The following SIGLEC8 variants were observed in gnomAD, a reference collection of about 807,000 sequenced individuals.
SIGLEC8 encodes sialic acid-binding Ig-like lectin 8.
In SIGLEC8, 32 loss-of-function variants were observed where a neutral mutation model predicts 42.1. That is an observed-to-expected ratio of 0.76 (90% CI 0.57 to 1.02). The LOEUF (loss-of-function observed/expected upper bound fraction) is 1.02. Ranked by LOEUF, SIGLEC8 falls within the 50% of genes least tolerant of loss-of-function variation. The pLI is 0.00. For synonymous variants in SIGLEC8, 262 were observed against 260.3 expected (o/e 1.01, Z -0.06); for missense variants, 611 against 610.2 (o/e 1.00, Z -0.01).
Position 51,458,256 on chromosome 19 carries a change from A to G in SIGLEC8, c.132T>C (p.His44=), listed in dbSNP as rs1369885746. The change falls in exon 1 of 7, where the codon CAT becomes CAC. Residue 44 remains histidine (H), a synonymous_variant. Transcript: ENST00000321424. ...GGGGGTAGGAGAAGGAGCAGGGCAC[A>G]TGGACACACAGGCCCTCCTGCACCG... The part of the protein sequence containing the change: ...LVTVQEGLCV[H]VPCSFSYPQD... 1.2e-6 allele frequency: 2 copies of G among 1,614,136 alleles called. No individual in the cohort carries two copies. Among genetic ancestry groups the G allele is most frequent in the Non-Finnish European group, 1.7e-6 (2 of 1,180,020 alleles).
chr19:51,454,684 A>G lies in SIGLEC8; in HGVS notation c.1148T>C (p.Ile383Thr). 1 of 1,611,032 alleles carries G rather than the reference A, an allele frequency of 6.2e-7. No individual in the cohort carries two copies. The highest frequency in any genetic ancestry group is 8.5e-7 in the Non-Finnish European group (1 of 1,177,502). ...CTCCCTCCCCAGGGTCAATGCTCAC[A>G]TGATGAAGATGATGCAGAAGGACAG... ...AFLSFCIIFI[I>T]VRSCRKKSAR... is the part of the protein sequence containing the mutation. The change falls in exon 5 of 7, where the codon ATA (isoleucine) becomes ACA (threonine). Residue 383 changes from isoleucine (I) to threonine (T), a missense_variant and splice_region_variant. Ile to Thr is a moderately conservative substitution (Grantham distance 89). Coordinates refer to ENST00000321424, the MANE Select transcript of SIGLEC8 (RefSeq NM_014442.3). The surrounding 1 kb of genome is among the most constrained non-coding windows in gnomAD (Gnocchi z 4.7).
At chr19:51,455,898 A>G (rs1989479200) in intron 3 of SIGLEC8, among the ~76,000 whole-genome samples, 2 of 152,228 alleles carry the variant, frequency 1.3e-5, no homozygotes, top group Non-Finnish European at 2.9e-5. Flanking sequence ...TGCAGCCACA[A>G]AAAATGATGA....
intron 3 of SIGLEC8, 87 bp downstream of exon 3, chr19:51,457,097 A>G: frequency 8.1e-7 from 1 of 1,236,988 alleles, no homozygotes; most frequent in Non-Finnish European, 1.2e-6. Flanking sequence ...CTGTTTCCCA[A>G]AGTGATTCCA....
rs779283234 is a variant in SIGLEC8 at position 51,454,325 on chromosome 19, G to A, written c.1149-10C>T. The A allele has an allele frequency of 2.5e-6, 4 of 1,612,914 alleles. No homozygotes were observed. Among genetic ancestry groups the A allele is most frequent in the Admixed American group, 1.7e-5 (1 of 60,012 alleles). On this transcript the variant is annotated splice_polypyrimidine_tract_variant and intron_variant, in intron 5 of 6. Coordinates refer to ENST00000321424, the MANE Select transcript of SIGLEC8 (RefSeq NM_014442.3). The surrounding 1 kb of genome is among the most constrained non-coding windows in gnomAD (Gnocchi z 4.7). ...CCTGCAGGACCTCACTCTGAGTGAAGAGACCAGAGAGCCTTTCAGTGTGGT... is the reference window on the plus strand; with the variant it reads ...CCTGCAGGACCTCACTCTGAGTGAAAAGACCAGAGAGCCTTTCAGTGTGGT...
chr19:51,453,771 G>A (rs1305515811), intron 6 of SIGLEC8: 67 of 984,812 alleles, frequency 6.8e-5, no homozygotes, highest in Non-Finnish European at 7.8e-5. Flanking sequence ...GTAAATGAGA[G>A]AGAATTACAG....
In SIGLEC8 at chr19:51,454,138, C is replaced by A; in HGVS notation, c.1245+81G>T. ...AGACGAGGAAGTGACTTTGGCCATA[C>A]CAAAGAGAGCGATCCTGGGGGCCAT... is the stretch of plus-strand genomic sequence containing the variant. On this transcript the variant is annotated intron_variant, in intron 6 of 6. Coordinates refer to ENST00000321424, the MANE Select transcript of SIGLEC8 (RefSeq NM_014442.3). This position sits in a 1 kb window ranked among gnomAD's most constrained non-coding sequence, Gnocchi z 4.7. 6.3e-7 allele frequency: 1 copy of A among 1,594,770 alleles called. No individual in the cohort carries two copies. Among genetic ancestry groups the A allele is most frequent in the Non-Finnish European group, 8.5e-7 (1 of 1,169,908 alleles).
rs1599925964 is a variant in SIGLEC8, at chr19:51,452,262, T to G, written c.*117A>C. 1.3e-5 allele frequency: 11 copies of G among 819,540 alleles called. No individual in the cohort carries two copies. Among genetic ancestry groups the G allele is most frequent in the Admixed American group, 2.7e-5 (1 of 36,978 alleles). The allele number at this position is 819,540 out of a possible 1,614,324, so 50.8% of individuals were successfully genotyped here. ...AGTAGAAGCTAGAGGCAGGGATGGG[T>G]CCCTGGTAGCCGGGGAAAGGGGAGA... is the stretch of plus-strand genomic sequence containing the variant. On this transcript the variant is annotated 3_prime_UTR_variant, in exon 7 of 7. Coordinates refer to ENST00000321424, the MANE Select transcript of SIGLEC8 (RefSeq NM_014442.3).
rs1989448508 is a variant in SIGLEC8 at position 51,454,688 on chromosome 19, T to G, written c.1144A>C (p.Ile382Leu). ...CTCCCCAGGGTCAATGCTCACATGATGAAGATGATGCAGAAGGACAGGAAG... is the reference window on the plus strand; with the variant it reads ...CTCCCCAGGGTCAATGCTCACATGAGGAAGATGATGCAGAAGGACAGGAAG... ...LAFLSFCIIFIIVRSCRKKSA... is the reference protein window; with the variant it reads ...LAFLSFCIIFLIVRSCRKKSA... The change falls in exon 5 of 7, where the codon ATC (isoleucine) becomes CTC (leucine). Residue 382 changes from isoleucine (I) to leucine (L), a missense_variant. By Grantham distance (5) the Ile-to-Leu change is conservative. Coordinates refer to ENST00000321424, the MANE Select transcript of SIGLEC8 (RefSeq NM_014442.3). This position sits in a 1 kb window ranked among gnomAD's most constrained non-coding sequence, Gnocchi z 4.7. 1.2e-5 allele frequency: 19 copies of G among 1,611,700 alleles called. No homozygotes were observed. The highest frequency in any genetic ancestry group is 1.6e-5 in the Non-Finnish European group (19 of 1,178,048).
chr19:51,458,162 C>G lies in SIGLEC8; in HGVS notation c.226G>C (p.Asp76His), dbSNP rs1296322316. 1.9e-6 allele frequency: 3 copies of G among 1,614,108 alleles called. No individual in the cohort carries two copies. The East Asian group carries it at 6.7e-5, about 36-fold the overall frequency. ...WFRAGDRPYQDAPVATNNPDR... is the reference protein window; with the variant it reads ...WFRAGDRPYQHAPVATNNPDR... ...GGGTTGTTTGTGGCCACTGGAGCGT[C>G]TTGGTATGGTCTGTCTCCTGCCCGG... The change falls in exon 1 of 7, where the codon GAC (aspartate) becomes CAC (histidine). Residue 76 changes from aspartate to histidine, a missense_variant. By Grantham distance (81) the Asp-to-His change is moderately conservative. Coordinates refer to ENST00000321424, the MANE Select transcript of SIGLEC8 (RefSeq NM_014442.3).
chr19:51,455,754 T>A lies in SIGLEC8; in HGVS notation c.782-67A>T, dbSNP rs564145462. ...ATACCCAAAGGATTATAAATCATGCTGCTATAAAGACACATGCACATGTAT... is the reference window on the plus strand; with the variant it reads ...ATACCCAAAGGATTATAAATCATGCAGCTATAAAGACACATGCACATGTAT... On this transcript the variant is annotated intron_variant, in intron 3 of 6. Coordinates refer to ENST00000321424, the MANE Select transcript of SIGLEC8 (RefSeq NM_014442.3). 225 of 1,417,040 alleles carry A rather than the reference T, an allele frequency of 1.6e-4. No individual in the cohort carries two copies. In the African/African-American group the frequency reaches 3.0e-3, roughly 19 times the overall value. The allele number at this position is 1,417,040 out of a possible 1,614,324, so 87.8% of individuals were successfully genotyped here.
Position 51,457,992 on chromosome 19 carries a change from T to C in SIGLEC8, c.396A>G (p.Lys132=), listed in dbSNP as rs1226093127. 8.1e-6 allele frequency: 13 copies of C among 1,614,156 alleles called. No homozygotes were observed. Among genetic ancestry groups the C allele is most frequent in the Non-Finnish European group, 1.1e-5 (13 of 1,180,020 alleles). ...AATTCAACTGTGATTTGTAACTCCA[T>C]TTCATGCTTCCTCTCTCTAGCCGAA... The part of the protein sequence containing the change: ...YFFRLERGSM[K]WSYKSQLNYK... The change falls in exon 1 of 7, where the codon AAA becomes AAG. Residue 132 remains lysine, a synonymous_variant. Transcript: ENST00000321424.
chr19:51,457,865 C>T, intron 1 of SIGLEC8, 69 bp downstream of exon 1: 2 of 1,568,884 alleles, frequency 1.3e-6, no homozygotes, highest in Admixed American at 3.4e-5. Flanking sequence ...CTCCCAGGCC[C>T]CATCCCAGCC....
In SIGLEC8 at chr19:51,454,223, G is replaced by A. The variant is rs1183935394; in HGVS notation, c.1241C>T (p.Ser414Phe). 1 of 1,614,156 alleles carries A rather than the reference G, an allele frequency of 6.2e-7. No individual in the cohort carries two copies. Among genetic ancestry groups the A allele is most frequent in the Non-Finnish European group, 8.5e-7 (1 of 1,180,012 alleles). The change falls in exon 6 of 7, where the codon TCT becomes TTT. Residue 414 changes from serine to phenylalanine, a missense_variant. Transcript: ENST00000321424. This position sits in a 1 kb window ranked among gnomAD's most constrained non-coding sequence, Gnocchi z 4.7. ...GGAGAAGCCCACATCACTCACCTGA[G>A]AGGCCGAGCCCCTGATGGCCTTTGC... Reference protein sequence around the residue: ...EDAKAIRGSASQGPLTESWKD... With the variant: ...EDAKAIRGSAFQGPLTESWKD...
Position 51,452,547 on chromosome 19 carries a change from C to G in SIGLEC8, c.1332G>C (p.Glu444Asp). 6.3e-7 allele frequency: 1 copy of G among 1,593,042 alleles called. No individual in the cohort carries two copies. The highest frequency in any genetic ancestry group is 8.6e-7 in the Non-Finnish European group (1 of 1,162,866). ...AVAPSSGEEG[E>D]LHYATLSFHK... is the part of the protein sequence containing the mutation. ...GGAAGCTGAGGGTTGCATAATGGAG[C>G]TCTCCTTCCTCCCCTGACGAGGGGG... Residue 444 changes from glutamate (E) to aspartate (D), a missense_variant, in exon 7 of 7, where the codon GAG becomes GAC. By Grantham distance (45) the Glu-to-Asp change is conservative (BLOSUM62 2). Coordinates refer to ENST00000321424, the MANE Select transcript of SIGLEC8 (RefSeq NM_014442.3).
chr19:51,452,608 T>C lies in SIGLEC8; in HGVS notation c.1271A>G (p.Asp424Gly). The C allele has an allele frequency of 2.6e-6, 4 of 1,551,610 alleles. No homozygotes were observed. Among genetic ancestry groups the C allele is most frequent in the Non-Finnish European group, 3.5e-6 (4 of 1,144,650 alleles). Reference protein sequence around the residue: ...SQGPLTESWKDGNPLKKPPPA... With the variant: ...SQGPLTESWKGGNPLKKPPPA... ...GGGAGGCTTCTTCAGGGGGTTGCCATCTTTCCAGGATTCAGTCAGGGGTCC... is the reference window on the plus strand; with the variant it reads ...GGGAGGCTTCTTCAGGGGGTTGCCACCTTTCCAGGATTCAGTCAGGGGTCC... The change falls in exon 7 of 7, where the codon GAT (aspartate) becomes GGT (glycine). Residue 424 changes from aspartate (D) to glycine (G), a missense_variant. Physicochemically the swap from Asp to Gly is moderately conservative, Grantham distance 94. Transcript: ENST00000321424.
chr19:51,456,568 G>C (rs1337524805), intron 3 of SIGLEC8, among the ~76,000 whole-genome samples: 2 of 152,228 alleles, frequency 1.3e-5, no homozygotes, highest in Non-Finnish European at 2.9e-5. Context: ...ATGCCACAAA[G>C]TCAGAGTCCA....
At position 51,451,449 on chromosome 19, in the gene SIGLEC8, C is replaced by T. The variant is rs1287780446; in HGVS notation, c.*930G>A. 1 of 152,190 alleles carries T rather than the reference C, an allele frequency of 6.6e-6. No individual in the cohort carries two copies. The highest frequency in any genetic ancestry group is 1.5e-5 in the Non-Finnish European group (1 of 68,056). The allele number at this position is 152,190 out of a possible 1,614,324, so 9.4% of individuals were successfully genotyped here. On this transcript the variant is annotated 3_prime_UTR_variant, in exon 7 of 7. Transcript: ENST00000321424. The stretch of plus-strand genomic sequence containing the variant: ...CTGTCTTGTTCCTGAGACTCTAGGC[C>T]ATTGCTGCTCCCTCTTTTGTAAAAG...
intron 6 of SIGLEC8, 38 bp from the exon 7 acceptor site, chr19:51,452,671 T>TGGG (rs755086487): frequency 6.9e-7 from 1 of 1,458,966 alleles, no homozygotes; most frequent in African/African-American, 1.4e-5. Flanking sequence ...AACAGAGCAG[T>TGGG]GGGGCCAGGA....
At chr19:51,455,958 A>G (rs1399023821) in intron 3 of SIGLEC8, among the ~76,000 whole-genome samples, 1 of 152,050 alleles carries the variant, frequency 6.6e-6, no homozygotes, top group African/African-American at 2.4e-5. Context: ...CATCATTCTC[A>G]GCAAACTATT....
Sources: allele counts gnomAD v4.1 joint callset (sites outside exome capture counted in the v4.1 genomes callset), GRCh38; gene constraint gnomAD v4.1.1; non-coding constraint Gnocchi (gnomAD v3.1); transcripts MANE v1.5; gene names NCBI Gene and HGNC (gene_info 2026-07-23, HGNC 2026-07-21).